BICRAL: variants seen among roughly 807,000 people sequenced by gnomAD.
BICRAL encodes the protein BRD4-interacting chromatin-remodeling complex-associated protein-like.
In BICRAL, 8 loss-of-function variants were observed where a neutral mutation model predicts 91.8. That is an observed-to-expected ratio of 0.09 (90% CI 0.05 to 0.16). The LOEUF (loss-of-function observed/expected upper bound fraction) is 0.16. BICRAL is among the 10% of genes least tolerant of loss of function. The pLI, the probability that BICRAL is intolerant of heterozygous loss-of-function variation, is 1.00. For synonymous variants in BICRAL, 445 were observed against 491.1 expected (o/e 0.91, Z 1.24); for missense variants, 1,038 against 1,310.9 (o/e 0.79, Z 3.21).
intron 1 of BICRAL, among the ~76,000 whole-genome samples, chr6:42,756,885 G>A (rs1354566006): frequency 2.1e-5 from 3 of 141,666 alleles, no homozygotes; most frequent in Non-Finnish European, 3.1e-5. Flanking sequence ...TCGCGCGCGC[G>A]CTCTCTCTCT....
At chr6:42,857,716 C>T (rs919727502) in intron 10 of BICRAL, among the ~76,000 whole-genome samples, 9 of 147,382 alleles carry the variant, frequency 6.1e-5, no homozygotes, top group Non-Finnish European at 8.9e-5. Flanking sequence ...TATGGACTGC[C>T]GGCTCCAGAT....
intron 6 of BICRAL, among the ~76,000 whole-genome samples, chr6:42,842,199 A>T (rs1350526885): frequency 1.3e-5 from 2 of 152,222 alleles, no homozygotes; most frequent in African/African-American, 4.8e-5. Flanking sequence ...AAAGGGCTTT[A>T]GGCATCAGCA....
intron 2 of BICRAL, among the ~76,000 whole-genome samples, chr6:42,815,371 C>T (rs1389000978): frequency 6.7e-6 from 1 of 150,054 alleles, no homozygotes; most frequent in Non-Finnish European, 1.5e-5. Flanking sequence ...TTTGTATTTT[C>T]AGTAAAGACA....
intron 2 of BICRAL, among the ~76,000 whole-genome samples, chr6:42,818,867 T>G (rs1448917900): frequency 6.6e-6 from 1 of 152,244 alleles, no homozygotes; most frequent in Non-Finnish European, 1.5e-5. Context: ...TTATTTAAGA[T>G]GTTTGTTGGT....
chr6:42,843,594 A>G (rs546380524), intron 6 of BICRAL, among the ~76,000 whole-genome samples: 2 of 152,320 alleles, frequency 1.3e-5, no homozygotes, highest in African/African-American at 2.4e-5. Flanking sequence ...GATGACTTAC[A>G]GGTTTCTGAC....
chr6:42,845,931 C>A (rs1764995034), intron 6 of BICRAL, among the ~76,000 whole-genome samples: 1 of 149,436 alleles, frequency 6.7e-6, no homozygotes, highest in South Asian at 2.1e-4. Flanking sequence ...ATTAGCTTGG[C>A]GTGGTGGCGG....
intron 6 of BICRAL, among the ~76,000 whole-genome samples, chr6:42,833,436 G>GT (rs1290714691): frequency 2.0e-5 from 3 of 151,872 alleles, no homozygotes; most frequent in Non-Finnish European, 4.4e-5. Flanking sequence ...ATGCAGCTTT[G>GT]TTTTGTTTTG....
At chr6:42,799,528 T>C (rs1763506713) in intron 1 of BICRAL, among the ~76,000 whole-genome samples, 1 of 151,422 alleles carries the variant, frequency 6.6e-6, no homozygotes, top group Non-Finnish European at 1.5e-5. Context: ...TCTCTTGACC[T>C]TGTGATCCAT....
At chr6:42,779,256 A>G (rs1762849156), upstream of BICRAL, among the ~76,000 whole-genome samples, 1 of 150,190 alleles carries the variant, frequency 6.7e-6, no homozygotes, top group Non-Finnish European at 1.5e-5. Flanking sequence ...ACACACACAC[A>G]CACACACACA....
chr6:42,849,731 G>A (rs913016121), intron 6 of BICRAL, among the ~76,000 whole-genome samples: 1 of 151,286 alleles, frequency 6.6e-6, no homozygotes, highest in South Asian at 2.1e-4. Flanking sequence ...GAGCCACTGC[G>A]CCCGGCCTAG....
intron 6 of BICRAL, 72 bp from the exon 7 acceptor site, chr6:42,852,020 G>C (rs893498035): frequency 3.6e-5 from 33 of 915,436 alleles, no homozygotes; most frequent in Non-Finnish European, 5.7e-5. Flanking sequence ...AAGAGGCTTG[G>C]TTGGTATTTA....
intron 1 of BICRAL, among the ~76,000 whole-genome samples, chr6:42,805,016 A>T (rs1049666675): frequency 6.6e-6 from 1 of 152,220 alleles, no homozygotes; most frequent in African/African-American, 2.4e-5. Context: ...CCCTGCTTTA[A>T]TTGGGAACAT....
chr6:42,833,762 A>G (rs749520182), intron 6 of BICRAL, among the ~76,000 whole-genome samples: 9 of 151,716 alleles, frequency 5.9e-5, no homozygotes, highest in Admixed American at 1.3e-4. Flanking sequence ...ATCTCATTTC[A>G]TTGTCAGATT....
At chr6:42,762,227 T>C (rs1762561711) in intron 1 of BICRAL, among the ~76,000 whole-genome samples, 1 of 152,072 alleles carries the variant, frequency 6.6e-6, no homozygotes, top group Admixed American at 6.6e-5. Context: ...AGAATTTACA[T>C]GTAAATAATG....
chr6:42,803,253 T>C (rs1436558942), intron 1 of BICRAL, among the ~76,000 whole-genome samples: 1 of 152,254 alleles, frequency 6.6e-6, no homozygotes, highest in Admixed American at 6.5e-5. Context: ...GTGGATTATC[T>C]TGGAAGGACA....
intron 1 of BICRAL, among the ~76,000 whole-genome samples, chr6:42,758,538 C>T (rs191634055): frequency 6.6e-6 from 1 of 152,290 alleles, no homozygotes; most frequent in African/African-American, 2.4e-5. Context: ...ACTGGGCTCC[C>T]TCAGAGCTCA....
At chr6:42,752,363 G>C (rs1762393879) in intron 1 of BICRAL, among the ~76,000 whole-genome samples, 1 of 152,224 alleles carries the variant, frequency 6.6e-6, no homozygotes, top group Non-Finnish European at 1.5e-5. Flanking sequence ...GAGGCCCTAA[G>C]ACTGCCAAGG....
chr6:42,851,370 A>AATT (rs1327561496), intron 6 of BICRAL, among the ~76,000 whole-genome samples: 1 of 152,154 alleles, frequency 6.6e-6, no homozygotes, highest in Non-Finnish European at 1.5e-5. Context: ...AAATAATAAT[A>AATT]ATAAAATACG....
At chr6:42,766,424 C>T (rs974680941) in intron 1 of BICRAL, among the ~76,000 whole-genome samples, 5 of 152,222 alleles carry the variant, frequency 3.3e-5, no homozygotes, top group African/African-American at 1.2e-4. Context: ...GATTGACCCA[C>T]ATGCCTTAGC....
Sources: allele counts gnomAD v4.1 joint callset (sites outside exome capture counted in the v4.1 genomes callset), GRCh38; gene constraint gnomAD v4.1.1; transcripts MANE v1.5; gene names NCBI Gene and HGNC (gene_info 2026-07-23, HGNC 2026-07-21).